The following ESYT3 variants were observed in gnomAD, a reference collection of about 807,000 sequenced individuals.
The protein encoded by ESYT3 is extended synaptotagmin 3.
Under a neutral mutation model 111.5 loss-of-function variants are expected in ESYT3, and 101 were observed. That is an observed-to-expected ratio of 0.91 (90% CI 0.77 to 1.07). ESYT3 has a LOEUF of 1.07. Among genes scored for constraint, ESYT3 ranks in the 50% least tolerant of loss-of-function variants. The pLI is 0.00. For synonymous variants in ESYT3, 416 were observed against 446.8 expected, an observed-to-expected ratio of 0.93 and a Z score of 0.87; for missense variants, 1,097 against 1,109.4, an observed-to-expected ratio of 0.99 and a Z score of 0.16.
At chr3:138,447,044 G>A (rs2031590136) in intron 1 of ESYT3, among the ~76,000 whole-genome samples, 1 of 152,076 alleles carries the variant, frequency 6.6e-6, no homozygotes, top group Non-Finnish European at 1.5e-5. Context: ...CAATAATTAT[G>A]ATAATCACAG....
chr3:138,445,403 C>T (rs767205500), intron 1 of ESYT3, among the ~76,000 whole-genome samples: 5 of 152,338 alleles, frequency 3.3e-5, no homozygotes, highest in East Asian at 1.9e-4. Flanking sequence ...TTCACATGGG[C>T]GCCTGACAGG....
intron 8 of ESYT3, among the ~76,000 whole-genome samples, chr3:138,463,674 G>A (rs2032771709): frequency 6.6e-6 from 1 of 152,142 alleles, no homozygotes; most frequent in Admixed American, 6.5e-5. Context: ...GGGTCAAAGA[G>A]TAAATGCATG....
Position 138,474,301 on chromosome 3 carries a change from G to A in ESYT3, c.2417G>A (p.Arg806His), listed in dbSNP as rs200786117. 87 of 1,606,880 alleles carry A rather than the reference G, an allele frequency of 5.4e-5. No individual in the cohort carries two copies. The highest frequency in any genetic ancestry group is 4.5e-4 in the Admixed American group (26 of 58,078). ...YLLPERKWAC[R>H]KKTSVKRKTL... The stretch of plus-strand genomic sequence containing the variant: ...TTGCCAGAAAGGAAGTGGGCATGTC[G>A]TAAGAAGACTTCAGTGAAGCGGAAG... The change falls in exon 20 of 23, where the codon CGT becomes CAT. Residue 806 changes from arginine (R) to histidine (H), a missense_variant. Coordinates refer to ENST00000389567, the MANE Select transcript of ESYT3 (RefSeq NM_031913.5).
At position 138,458,523 on chromosome 3, in the gene ESYT3, C is replaced by T. The variant is rs151211619; in HGVS notation, c.582-664C>T. ...TTTTTGCGATTTGTGACATTGGGCT[C>T]CTCTGCCTGTGCCCTGCACATGTGT... On this transcript the variant is annotated intron_variant, in intron 4 of 22. Transcript: ENST00000389567. Among the ~76,000 whole-genome samples the T allele has an allele frequency of 4.6e-3, 704 of 152,392 alleles. 1 individual carries two copies. The highest frequency in any genetic ancestry group is 7.2e-3 in the Non-Finnish European group (489 of 68,042).
In ESYT3 at chr3:138,468,701, G is replaced by A. The variant is rs750241078; in HGVS notation, c.1355G>A (p.Ser452Asn). The A allele has an allele frequency of 4.6e-5, 74 of 1,614,042 alleles. 1 individual carries two copies. In the South Asian group the frequency reaches 7.9e-4, roughly 17 times the overall value. Residue 452 changes from serine (S) to asparagine (N), a missense_variant, in exon 13 of 23, where the codon AGT (serine) becomes AAT (asparagine). Coordinates refer to ENST00000389567, the MANE Select transcript of ESYT3 (RefSeq NM_031913.5). ...STAILVVFLE[S>N]ACNLPRNPFD... Reference sequence around the variant, plus strand: ...GCCATTCTCGTGGTCTTCTTGGAGAGTGCCTGCAACTTGCCGGTGAGTGGC... The same window carrying A: ...GCCATTCTCGTGGTCTTCTTGGAGAATGCCTGCAACTTGCCGGTGAGTGGC...
rs145037742 is a variant in ESYT3, at chr3:138,473,083, G to A, written c.2237+224G>A. The A allele has an allele frequency of 5.0e-6, 7 of 1,408,670 alleles. No homozygotes were observed. The East Asian group carries it at 1.8e-4, about 37-fold the overall frequency. 87.3% of individuals were successfully genotyped at this position (1,408,670 alleles called of 1,614,324 possible). A position where few individuals can be genotyped will look rare whatever the true frequency, so the allele number is the denominator to read the frequency against. Reference sequence around the variant, plus strand: ...CGTACTGACTATAAAATAGATGCTGGACTCTGGTTGGTAAGGTCCCTTCCA... The same window carrying A: ...CGTACTGACTATAAAATAGATGCTGAACTCTGGTTGGTAAGGTCCCTTCCA... On this transcript the variant is annotated intron_variant, in intron 18 of 22. Transcript: ENST00000389567.
chr3:138,445,035 T>C (rs2031436815), intron 1 of ESYT3, among the ~76,000 whole-genome samples: 1 of 152,218 alleles, frequency 6.6e-6, no homozygotes, highest in Non-Finnish European at 1.5e-5. Context: ...AGACGCAGGT[T>C]TCCAGGCTCC....
In ESYT3 at chr3:138,440,195, GC is replaced by G. The variant is rs1428098248; in HGVS notation, c.327+5072del. Among the ~76,000 whole-genome samples the G allele has an allele frequency of 6.6e-6, 1 of 152,178 alleles. No individual in the cohort carries two copies. The highest frequency in any genetic ancestry group is 1.5e-5 in the Non-Finnish European group (1 of 68,030). ...ATCTAACTGGGTGCGCACTGGGGCT[GC>G]CGGCAGAAGCAAGCACCAGGGGAAA... On this transcript the variant is annotated intron_variant, in intron 1 of 22. Transcript: ENST00000389567. The surrounding 1 kb of genome is among the most constrained non-coding windows in gnomAD (Gnocchi z 4.2).
chr3:138,436,744 T>TG (rs2030728727), intron 1 of ESYT3, among the ~76,000 whole-genome samples: 1 of 152,164 alleles, frequency 6.6e-6, no homozygotes, highest in Non-Finnish European at 1.5e-5. Flanking sequence ...TTGCACACAG[T>TG]TGAGGGAGTC....
rs201503175 is a variant in ESYT3 at position 138,474,353 on chromosome 3, G to T, written c.2468+1G>T. 1.9e-5 allele frequency: 30 copies of T among 1,587,764 alleles called. No homozygotes were observed. In the Middle Eastern group the frequency reaches 2.0e-3, roughly 107 times the overall value. On this transcript the variant is annotated splice_donor_variant, in intron 20 of 22. Coordinates refer to ENST00000389567, the MANE Select transcript of ESYT3 (RefSeq NM_031913.5). LOFTEE classifies it high-confidence loss of function. ...CCTTGGAACCCCTGTTTGATGAGAC[G>T]TAAGTGGGCTGGTGGCCTGCCTAGA...
rs770906163 is a variant in ESYT3, at chr3:138,476,819, T to C, written c.2626T>C (p.Tyr876His). 3.7e-6 allele frequency: 6 copies of C among 1,614,082 alleles called. No homozygotes were observed. Among genetic ancestry groups the C allele is most frequent in the Non-Finnish European group, 5.1e-6 (6 of 1,179,948 alleles). Residue 876 changes from tyrosine (Y) to histidine (H), a missense_variant and splice_region_variant, in exon 23 of 23, where the codon TAT (tyrosine) becomes CAT (histidine). Coordinates refer to ENST00000389567, the MANE Select transcript of ESYT3 (RefSeq NM_031913.5). ...EDLIKGFSQW[Y>H]ELTPNGQPRS ...AGTCCAAACGTAACTGTCTTACAGG[T>C]ATGAGCTGACTCCAAATGGACAGCC...
At position 138,468,890 on chromosome 3, in the gene ESYT3, G is replaced by T; in HGVS notation, c.1434+9G>T. The stretch of plus-strand genomic sequence containing the variant: ...TCTCCAGGTTTGCCAGAGTGAGTGA[G>T]TATGTGGCTAAAAACTCCAGGGAGG... On this transcript the variant is annotated intron_variant, in intron 14 of 22. Transcript: ENST00000389567. The T allele has an allele frequency of 6.2e-7, 1 of 1,614,128 alleles. No individual in the cohort carries two copies. The highest frequency in any genetic ancestry group is 8.5e-7 in the Non-Finnish European group (1 of 1,179,996).
At chr3:138,456,683 A>C (rs551889197) in intron 3 of ESYT3, among the ~76,000 whole-genome samples, 1 of 152,182 alleles carries the variant, frequency 6.6e-6, no homozygotes, top group Non-Finnish European at 1.5e-5. Flanking sequence ...TCTAGGTTGC[A>C]TGTTCCTTAT....
Position 138,457,635 on chromosome 3 carries a change from T to G in ESYT3, c.572T>G (p.Leu191Arg). ...AACCGAAGACGTGTGACTGTGGACC[T>G]GCAGATCTGGTGAGCTCTATCGGGC... ...TCNRRRVTVDLQICYIGDCEI... is the reference protein window; with the variant it reads ...TCNRRRVTVDRQICYIGDCEI... The change falls in exon 4 of 23, where the codon CTG (leucine) becomes CGG (arginine). Residue 191 changes from leucine (L) to arginine (R), a missense_variant. Physicochemically the swap from Leu to Arg is moderately radical, Grantham distance 102. Coordinates refer to ENST00000389567, the MANE Select transcript of ESYT3 (RefSeq NM_031913.5). The G allele has an allele frequency of 5.0e-6, 8 of 1,614,152 alleles. No individual in the cohort carries two copies. Among genetic ancestry groups the G allele is most frequent in the Non-Finnish European group, 6.8e-6 (8 of 1,180,016 alleles).
At chr3:138,442,954 T>G (rs2031266503) in intron 1 of ESYT3, among the ~76,000 whole-genome samples, 1 of 152,230 alleles carries the variant, frequency 6.6e-6, no homozygotes, top group Admixed American at 6.5e-5. Flanking sequence ...GAGGATAAGT[T>G]TTTTTAACTT....
At chr3:138,459,275 T>G in intron 5 of ESYT3, 22 bp downstream of exon 5, 1 of 1,534,182 alleles carries the variant, frequency 6.5e-7, no homozygotes. Context: ...CCGGTGGGGC[T>G]GCCTCTGTTC....
At chr3:138,453,733 A>C (rs1434324756) in intron 2 of ESYT3, among the ~76,000 whole-genome samples, 2 of 152,184 alleles carry the variant, frequency 1.3e-5, no homozygotes, top group Non-Finnish European at 2.9e-5. Flanking sequence ...GGAACTCTAC[A>C]AGGTTTGCCC....
At chr3:138,466,752 T>C (rs1430770337) in intron 10 of ESYT3, among the ~76,000 whole-genome samples, 3 of 152,166 alleles carry the variant, frequency 2.0e-5, no homozygotes, top group African/African-American at 7.2e-5. Context: ...AGGTAATTTA[T>C]AAAGAAAAGA....
chr3:138,455,652 C>A (rs2032231070), intron 3 of ESYT3, among the ~76,000 whole-genome samples: 1 of 152,192 alleles, frequency 6.6e-6, no homozygotes, highest in South Asian at 2.1e-4. Flanking sequence ...CAGACAGATA[C>A]AAAGATGGAA....
Sources: gnomAD v4.1 joint callset for allele counts (sites outside exome capture counted in the v4.1 genomes callset) on GRCh38, gnomAD v4.1.1 for gene constraint, Gnocchi (gnomAD v3.1) non-coding constraint, MANE v1.5 for transcripts, NCBI Gene and HGNC (gene_info 2026-07-23, HGNC 2026-07-21) for gene names.